Variants in TTC22 observed in about 807,000 individuals in gnomAD.
TTC22 encodes tetratricopeptide repeat protein 22.
A neutral mutation model predicts 48.2 loss-of-function variants in TTC22; 42 were observed. That is an observed-to-expected ratio of 0.87 (90% confidence interval 0.68 to 1.13). TTC22 has a LOEUF of 1.13. TTC22 is among the 50% of genes most tolerant of loss of function. The pLI is 0.00. For missense variants in TTC22, 784 were observed against 807.0 expected, an observed-to-expected ratio of 0.97 and a Z score of 0.34; for synonymous variants, 345 against 365.5, an observed-to-expected ratio of 0.94 and a Z score of 0.64.
Position 54,801,291 on chromosome 1 carries a change from C to G in TTC22, c.-128G>C. The G allele has an allele frequency of 1.0e-6, 1 of 966,358 alleles. No individual in the cohort carries two copies. Among genetic ancestry groups the G allele is most frequent in the Non-Finnish European group, 1.5e-6 (1 of 656,690 alleles). The allele number at this position is 966,358 out of a possible 1,614,324, so 59.9% of individuals were successfully genotyped here. Reference sequence around the variant, plus strand: ...CAGCCGGCAGAGGCCCCGGGCGCTGCGGCCTCTCGGTCTCAGGGCGCCTCC... The same window carrying G: ...CAGCCGGCAGAGGCCCCGGGCGCTGGGGCCTCTCGGTCTCAGGGCGCCTCC... On this transcript the variant is annotated 5_prime_UTR_variant, in exon 1 of 7. Coordinates refer to ENST00000371276, the MANE Select transcript of TTC22 (RefSeq NM_001114108.2).
intron 5 of TTC22, chr1:54,784,779 G>T: frequency 1.5e-6 from 2 of 1,297,264 alleles, no homozygotes; most frequent in Non-Finnish European, 2.0e-6. Flanking sequence ...GGACTCTTCG[G>T]CTTGCAGTGA....
At chr1:54,800,530 A>T in intron 1 of TTC22, 67 bp downstream of exon 1, 1 of 1,322,824 alleles carries the variant, frequency 7.6e-7, no homozygotes, top group Non-Finnish European at 9.9e-7. Flanking sequence ...GCATCTCTGC[A>T]GACAGAAGGG....
At chr1:54,797,951 C>T (rs1288444200) in intron 1 of TTC22, among the ~76,000 whole-genome samples, 1 of 152,082 alleles carries the variant, frequency 6.6e-6, no homozygotes, top group Non-Finnish European at 1.5e-5. Context: ...CCTTTCCTGG[C>T]CTGACTCTGA....
intron 1 of TTC22, among the ~76,000 whole-genome samples, chr1:54,797,257 T>C (rs767435871): frequency 2.4e-4 from 33 of 139,138 alleles, no homozygotes; most frequent in Non-Finnish European, 4.6e-4. Context: ...TGAGTGTATA[T>C]GTGTGTAAGA....
chr1:54,797,943 T>G (rs1341376882), intron 1 of TTC22, among the ~76,000 whole-genome samples: 1 of 152,014 alleles, frequency 6.6e-6, no homozygotes, highest in Non-Finnish European at 1.5e-5. Flanking sequence ...CTCCTCCTCC[T>G]TTCCTGGCCT....
rs755018324 is a variant in TTC22 at position 54,800,963 on chromosome 1, A to AGCGGGGCGCT, written c.191_200dup (p.Val68AlafsTer155). The AGCGGGGCGCT allele has an allele frequency of 6.2e-7, 1 of 1,604,892 alleles. No homozygotes were observed. The highest frequency in any genetic ancestry group is 8.5e-7 in the Non-Finnish European group (1 of 1,177,384). ...CGAAAGCGCCCAGGAGGTGACGCAC[A>AGCGGGGCGCT]GCGGGGCGCTGCGGGGCGGCCGCCA... On this transcript the variant is annotated frameshift_variant, in exon 1 of 7. Coordinates refer to ENST00000371276, the MANE Select transcript of TTC22 (RefSeq NM_001114108.2). LOFTEE classifies it high-confidence loss of function.
At chr1:54,790,420 C>T (rs1447541476) in intron 1 of TTC22, among the ~76,000 whole-genome samples, 2 of 152,154 alleles carry the variant, frequency 1.3e-5, no homozygotes, top group South Asian at 2.1e-4. Context: ...TGCCAAGATC[C>T]GACGGATGTG....
At chr1:54,782,287 C>A in intron 6 of TTC22, 38 bp downstream of exon 6, 1 of 1,488,178 alleles carries the variant, frequency 6.7e-7, no homozygotes. Context: ...TAAACAGATT[C>A]TTGCTCAGCT....
Position 54,781,388 on chromosome 1 carries a change from C to G in TTC22, c.1565G>C (p.Arg522Pro). The G allele has an allele frequency of 1.4e-6, 2 of 1,384,150 alleles. No individual in the cohort carries two copies. Among genetic ancestry groups the G allele is most frequent in the South Asian group, 1.6e-5 (1 of 62,144 alleles). 85.7% of individuals were successfully genotyped at this position (1,384,150 alleles called of 1,614,324 possible). Residue 522 changes from arginine (R) to proline (P), a missense_variant, in exon 7 of 7, where the codon CGC becomes CCC. Physicochemically the swap from Arg to Pro is moderately radical, Grantham distance 103. Transcript: ENST00000371276. Reference protein sequence around the residue: ...RLRQELQRVWRGHTDEVLGLA... With the variant: ...RLRQELQRVWPGHTDEVLGLA... ...CCCCAACACCTCGTCCGTGTGCCCG[C>G]GCCACACGCGCTGCAGCTCCTGGCG...
chr1:54,794,987 T>C (rs652687), intron 1 of TTC22: 152,163 of 152,472 alleles, frequency 1, 75,928 homozygotes, highest in Middle Eastern at 1. Flanking sequence ...TCCTGCACAC[T>C]GAGCCCCGCC....
At position 54,781,421 on chromosome 1, in the gene TTC22, G is replaced by A. The variant is rs1426555765; in HGVS notation, c.1532C>T (p.Ala511Val). The change falls in exon 7 of 7, where the codon GCG (alanine) becomes GTG (valine). Residue 511 changes from alanine to valine, a missense_variant. Coordinates refer to ENST00000371276, the MANE Select transcript of TTC22 (RefSeq NM_001114108.2). Reference protein sequence around the residue: ...LRRAQDKYPAARLRQELQRVW... With the variant: ...LRRAQDKYPAVRLRQELQRVW... ...GCGCTGCAGCTCCTGGCGCAGGCGC[G>A]CCGCGGGGTACTTGTCCTGGGCGCG... 2 of 1,408,210 alleles carry A rather than the reference G, an allele frequency of 1.4e-6. No individual in the cohort carries two copies. Among genetic ancestry groups the A allele is most frequent in the Non-Finnish European group, 1.8e-6 (2 of 1,092,032 alleles). The allele number at this position is 1,408,210 out of a possible 1,614,324, so 87.2% of individuals were successfully genotyped here.
At position 54,800,918 on chromosome 1, in the gene TTC22, C is replaced by T; in HGVS notation, c.246G>A (p.Leu82=). The stretch of plus-strand genomic sequence containing the variant: ...CGAGGAAGCACTCGCGGGCCTCGTC[C>T]AGCTCCTCCAGGTAGAATGCGAAAG... The part of the protein sequence containing the change: ...LGAFAFYLEE[L]DEARECFLEV... Residue 82 remains leucine (L), a synonymous_variant, in exon 1 of 7, where the codon CTG becomes CTA. Transcript: ENST00000371276. 4 of 1,609,528 alleles carry T rather than the reference C, an allele frequency of 2.5e-6. No homozygotes were observed. The highest frequency in any genetic ancestry group is 2.7e-5 in the African/African-American group (2 of 75,014).
chr1:54,784,402 GT>G (rs981065921), intron 5 of TTC22: 18 of 298,548 alleles, frequency 6.0e-5, no homozygotes, highest in African/African-American at 4.1e-4. Context: ...AGGGAGGAGA[GT>G]AAAGTTGGAG....
intron 2 of TTC22, 89 bp from the exon 3 acceptor site, chr1:54,787,915 G>A (rs1309086223): frequency 2.0e-6 from 3 of 1,468,010 alleles, no homozygotes; most frequent in South Asian, 2.4e-5. Context: ...GGTGGTGGGG[G>A]GTGGCGGTTT....
At chr1:54,788,768 G>A (rs61180995) in intron 1 of TTC22, among the ~76,000 whole-genome samples, 10,103 of 152,136 alleles carry the variant, frequency 0.066, 549 homozygotes, top group East Asian at 0.3. Flanking sequence ...TTGCCACCCC[G>A]ACTGTGGCCT....
chr1:54,793,211 T>C (rs1454046829), intron 1 of TTC22, among the ~76,000 whole-genome samples: 1 of 152,224 alleles, frequency 6.6e-6, no homozygotes, highest in African/African-American at 2.4e-5. Flanking sequence ...GCTGCTGTTC[T>C]GTAGCAGATT....
chr1:54,782,397 G>T lies in TTC22; in HGVS notation c.1101C>A (p.Ala367=). Residue 367 remains alanine, a synonymous_variant, in exon 6 of 7, where the codon GCC becomes GCA. Transcript: ENST00000371276. The stretch of plus-strand genomic sequence containing the variant: ...CTTCCTCAAGGTCAGCCTTGGCACA[G>T]GCCAGGTGGTTCCTGTCAGGCATGC... ...LGGMPDRNHL[A]CAKADLEEVV... 6.4e-7 allele frequency: 1 copy of T among 1,551,474 alleles called. No homozygotes were observed. The highest frequency in any genetic ancestry group is 8.7e-7 in the Non-Finnish European group (1 of 1,146,920).
At chr1:54,799,037 GCATGATGT>G (rs1230941371) in intron 1 of TTC22, among the ~76,000 whole-genome samples, 1 of 152,224 alleles carries the variant, frequency 6.6e-6, no homozygotes, top group Non-Finnish European at 1.5e-5. Flanking sequence ...TGCTTTAGAA[GCATGATGT>G]CATCTAATCC....
chr1:54,782,649 A>G (rs1646272078), intron 5 of TTC22, among the ~76,000 whole-genome samples, 172 bp from the exon 6 acceptor site: 2 of 152,102 alleles, frequency 1.3e-5, no homozygotes, highest in African/African-American at 2.4e-5. Context: ...CCTTGGACCA[A>G]CTTGGGTTAG....
Sources: allele counts gnomAD v4.1 joint callset (sites outside exome capture counted in the v4.1 genomes callset), GRCh38; gene constraint gnomAD v4.1.1; transcripts MANE v1.5; gene names NCBI Gene and HGNC (gene_info 2026-07-23, HGNC 2026-07-21).